The following CCDC171 variants were observed in gnomAD, a reference collection of about 807,000 sequenced individuals.
The protein encoded by CCDC171 is coiled-coil domain-containing protein 171.
CCDC171 carries 177 observed loss-of-function variants against 168.2 expected under a neutral mutation model. The observed-to-expected ratio is 1.05, with a 90% confidence interval of 0.93 to 1.19. CCDC171 has a LOEUF of 1.19. Among genes scored for constraint, CCDC171 ranks in the 50% most tolerant of loss-of-function variants. The pLI, the probability that CCDC171 is intolerant of heterozygous loss-of-function variation, is 0.00. For synonymous variants in CCDC171, 687 were observed against 540.8 expected (o/e 1.27, Z -3.75); for missense variants, 1,991 against 1,539.0 (o/e 1.29, Z -4.91).
chr9:16,001,905 A>G (rs1589314321), intron 3 of CCDC171, among the ~76,000 whole-genome samples: 2 of 145,158 alleles, frequency 1.4e-5, no homozygotes, highest in Non-Finnish European at 3.0e-5. Flanking sequence ...GGGTGCAATC[A>G]TGGCTCACTG....
intron 6 of CCDC171, among the ~76,000 whole-genome samples, chr9:15,610,476 A>C (rs1176873701): frequency 1.4e-5 from 2 of 142,964 alleles, no homozygotes; most frequent in East Asian, 2.1e-4. Context: ...AAAAAAAAAA[A>C]AAAAACTGGG....
intron 20 of CCDC171, among the ~76,000 whole-genome samples, chr9:15,781,971 G>C (rs1483511668): frequency 6.6e-6 from 1 of 152,052 alleles, no homozygotes; most frequent in Non-Finnish European, 1.5e-5. Flanking sequence ...CTTTGAACTT[G>C]GTTCCTGTGG....
At chr9:15,730,777 A>G (rs1440637907) in intron 16 of CCDC171, among the ~76,000 whole-genome samples, 1 of 152,002 alleles carries the variant, frequency 6.6e-6, no homozygotes, top group Non-Finnish European at 1.5e-5. Context: ...GCCATCTAAA[A>G]GTAGTAATTT....
intron 25 of CCDC171, among the ~76,000 whole-genome samples, chr9:15,924,404 G>A (rs1825671018): frequency 3.3e-5 from 5 of 149,680 alleles, no homozygotes; most frequent in African/African-American, 9.9e-5. Context: ...CTAGTGAGAA[G>A]TGTTAAAGTA....
chr9:15,617,946 C>T (rs953828267), intron 6 of CCDC171, among the ~76,000 whole-genome samples: 1 of 152,116 alleles, frequency 6.6e-6, no homozygotes, highest in East Asian at 1.9e-4. Context: ...TCTGTCGATC[C>T]CTATTGGGAG....
At chr9:16,039,717 G>A (rs758705538), upstream of CCDC171, among the ~76,000 whole-genome samples, 1 of 152,136 alleles carries the variant, frequency 6.6e-6, no homozygotes, top group African/African-American at 2.4e-5. Context: ...ATGTGACCCA[G>A]AATTTGCACA....
intron 6 of CCDC171, among the ~76,000 whole-genome samples, chr9:15,615,260 G>A (rs1193403419): frequency 6.6e-6 from 1 of 152,118 alleles, no homozygotes; most frequent in Non-Finnish European, 1.5e-5. Flanking sequence ...GTTAATTAAT[G>A]TAATATAACT....
chr9:15,701,170 A>C (rs1424240964), intron 11 of CCDC171, among the ~76,000 whole-genome samples: 3 of 151,830 alleles, frequency 2.0e-5, no homozygotes, highest in African/African-American at 7.3e-5. Flanking sequence ...GTTTGTAAAT[A>C]TTTTCTCCCA....
chr9:16,095,498 T>C, the CCDC171 span, among the ~76,000 whole-genome samples: 1 of 148,274 alleles, frequency 6.7e-6, no homozygotes, highest in African/African-American at 2.6e-5. Flanking sequence ...TATATCTCTC[T>C]TTCCGTCTCT....
intron 7 of CCDC171, among the ~76,000 whole-genome samples, chr9:15,631,375 CA>C (rs2045679234): frequency 6.6e-6 from 1 of 152,116 alleles, no homozygotes; most frequent in South Asian, 2.1e-4. Flanking sequence ...AAACTACCAT[CA>C]GAGAATAGTA....
At chr9:15,845,567 A>C (rs753263927) in intron 21 of CCDC171, 16 of 152,014 alleles carry the variant, frequency 1.1e-4, no homozygotes, top group Non-Finnish European at 2.4e-4. Context: ...ACCCATTGTG[A>C]ATGCACTAAA....
chr9:16,100,588 T>A, the CCDC171 span, among the ~76,000 whole-genome samples: 12 of 152,156 alleles, frequency 7.9e-5, no homozygotes, highest in Admixed American at 7.2e-4. Flanking sequence ...TAAAAGGGGA[T>A]TTTTGTTAGT....
intron 1 of CCDC171, among the ~76,000 whole-genome samples, chr9:16,050,026 A>C (rs1833725066): frequency 6.6e-6 from 1 of 152,150 alleles, no homozygotes; most frequent in Non-Finnish European, 1.5e-5. Context: ...AGCTGGGATT[A>C]CAGGCGCATG....
intron 3 of CCDC171, among the ~76,000 whole-genome samples, chr9:16,000,613 TGA>T (rs1832511755): frequency 6.6e-6 from 1 of 152,180 alleles, no homozygotes; most frequent in Non-Finnish European, 1.5e-5. Flanking sequence ...AATTTGAGTG[TGA>T]GTGTCCCATA....
chr9:15,603,569 G>C (rs1293414471), intron 6 of CCDC171, among the ~76,000 whole-genome samples: 3 of 152,118 alleles, frequency 2.0e-5, no homozygotes, highest in Non-Finnish European at 4.4e-5. Flanking sequence ...CCATGTCCCT[G>C]CAAAAGACAT....
intron 3 of CCDC171, among the ~76,000 whole-genome samples, chr9:15,989,625 C>T (rs1832119270): frequency 6.6e-6 from 1 of 152,006 alleles, no homozygotes; most frequent in African/African-American, 2.4e-5. Context: ...GATCAAACTT[C>T]TCCGAGCTAA....
chr9:15,631,330 T>G (rs968031498), intron 7 of CCDC171, among the ~76,000 whole-genome samples: 1 of 151,912 alleles, frequency 6.6e-6, no homozygotes, highest in South Asian at 2.1e-4. Flanking sequence ...GAAAAAATGA[T>G]AAAGGGGATA....
intron 24 of CCDC171, among the ~76,000 whole-genome samples, chr9:15,903,251 C>T (rs999484575): frequency 3.9e-5 from 6 of 152,182 alleles, no homozygotes; most frequent in Non-Finnish European, 8.8e-5. Flanking sequence ...GGTCCCTGAC[C>T]CCCGAGTAGC....
At chr9:15,776,799 G>A (rs1320513470) in intron 18 of CCDC171, among the ~76,000 whole-genome samples, 1 of 152,130 alleles carries the variant, frequency 6.6e-6, no homozygotes, top group Non-Finnish European at 1.5e-5. Context: ...TGCTTATGAT[G>A]TAAAGACAAG....
Sources: allele counts gnomAD v4.1 joint callset (sites outside exome capture counted in the v4.1 genomes callset), GRCh38; gene constraint gnomAD v4.1.1; transcripts MANE v1.5; gene names NCBI Gene and HGNC (gene_info 2026-07-23, HGNC 2026-07-21).